Variants in ANKS1B observed in about 807,000 individuals in gnomAD.
The protein encoded by ANKS1B is ankyrin repeat and sterile alpha motif domain-containing protein 1B.
ANKS1B carries 36 observed loss-of-function variants against 148.3 expected under a neutral mutation model. The ratio of observed to expected loss-of-function variants is 0.24; its 90% CI spans 0.19 to 0.32. ANKS1B has a LOEUF of 0.32. ANKS1B is among the 10% of genes least tolerant of loss of function. The probability of loss-of-function intolerance (pLI) is 1.00; values close to 1 mark genes in which losing one functional copy is unlikely to be tolerated. For missense variants in ANKS1B, 1,157 were observed against 1,542.6 expected, an observed-to-expected ratio of 0.75 and a Z score of 4.19; for synonymous variants, 542 against 560.8, an observed-to-expected ratio of 0.97 and a Z score of 0.47.
chr12:99,528,593 A>C (rs2096954896), intron 9 of ANKS1B, among the ~76,000 whole-genome samples: 1 of 152,204 alleles, frequency 6.6e-6, no homozygotes, highest in Admixed American at 6.5e-5. Context: ...CCCATTAAAA[A>C]TGAGGAACAT....
chr12:99,546,215 C>T (rs946804467), intron 9 of ANKS1B, among the ~76,000 whole-genome samples: 1 of 152,020 alleles, frequency 6.6e-6, no homozygotes, highest in Admixed American at 6.6e-5. Context: ...GAGAAATAGA[C>T]AATAGAAATA....
At chr12:99,277,006 C>T (rs997989084) in intron 12 of ANKS1B, among the ~76,000 whole-genome samples, 1 of 152,242 alleles carries the variant, frequency 6.6e-6, no homozygotes, top group Non-Finnish European at 1.5e-5. Context: ...CCCTTTCTTG[C>T]CGAATATCAC....
At chr12:98,936,478 T>G (rs2099818781) in intron 17 of ANKS1B, among the ~76,000 whole-genome samples, 1 of 152,018 alleles carries the variant, frequency 6.6e-6, no homozygotes, top group Admixed American at 6.6e-5. Flanking sequence ...AATACAAAAA[T>G]TAGCCGGGCG....
intron 10 of ANKS1B, among the ~76,000 whole-genome samples, chr12:99,488,032 A>AT (rs1158104242): frequency 1.3e-5 from 2 of 152,020 alleles, no homozygotes; most frequent in African/African-American, 2.4e-5. Flanking sequence ...TACGGCTATG[A>AT]TATCTTCTTG....
At chr12:99,167,318 A>G (rs1167409294) in intron 14 of ANKS1B, among the ~76,000 whole-genome samples, 1 of 152,134 alleles carries the variant, frequency 6.6e-6, no homozygotes, top group Non-Finnish European at 1.5e-5. Flanking sequence ...TGATTAGAAG[A>G]AAACATTTGT....
At chr12:99,123,018 A>G (rs1019483854) in intron 15 of ANKS1B, among the ~76,000 whole-genome samples, 2 of 147,792 alleles carry the variant, frequency 1.4e-5, no homozygotes, top group Non-Finnish European at 3.0e-5. Context: ...ATATATAAAC[A>G]TGTATATAAA....
intron 2 of ANKS1B, among the ~76,000 whole-genome samples, chr12:99,822,384 G>C (rs1227530209): frequency 6.6e-6 from 1 of 151,930 alleles, no homozygotes; most frequent in Non-Finnish European, 1.5e-5. Flanking sequence ...CTGAGGTTTG[G>C]GATACAATTT....
intron 8 of ANKS1B, among the ~76,000 whole-genome samples, chr12:99,745,594 AT>A: frequency 6.6e-6 from 1 of 152,276 alleles, no homozygotes; most frequent in South Asian, 2.1e-4. Flanking sequence ...CACTAAAATC[AT>A]TTTTAATGGT....
chr12:98,826,191 A>C (rs1442705925), intron 19 of ANKS1B, among the ~76,000 whole-genome samples: 2 of 152,222 alleles, frequency 1.3e-5, no homozygotes, highest in Admixed American at 6.5e-5. Flanking sequence ...TGTTTCTTGC[A>C]TATTCATTTA....
chr12:99,457,757 T>G (rs940175675), intron 10 of ANKS1B, among the ~76,000 whole-genome samples: 4 of 152,126 alleles, frequency 2.6e-5, no homozygotes, highest in Non-Finnish European at 5.9e-5. Flanking sequence ...CACCTAACAC[T>G]GGAAGTCCCA....
At position 99,244,408 on chromosome 12, in the gene ANKS1B, T is replaced by G. The variant is rs893277981; in HGVS notation, c.2353A>C (p.Lys785Gln). 6.2e-7 allele frequency: 1 copy of G among 1,601,512 alleles called. No individual in the cohort carries two copies. The highest frequency in any genetic ancestry group is 8.5e-7 in the Non-Finnish European group (1 of 1,174,444). ...CCAACATCTATGGAACTCATTATTTTGTCAATCTGTAAGAAACAAAAACCA... is the reference window on the plus strand; with the variant it reads ...CCAACATCTATGGAACTCATTATTTGGTCAATCTGTAAGAAACAAAAACCA... ...SFTSEWEEID[K>Q]IMSSIDVGIN... Residue 785 changes from lysine to glutamine, a missense_variant, in exon 14 of 27, where the codon AAA becomes CAA. By Grantham distance (53) the Lys-to-Gln change is moderately conservative. Around this residue, in one of 6 missense-constraint regions of ANKS1B, gnomAD observed 661 missense variants for 642.1 expected, o/e 1.03. Transcript: ENST00000683438.
At chr12:99,940,353 G>C (rs1449183041) in intron 1 of ANKS1B, among the ~76,000 whole-genome samples, 2 of 151,956 alleles carry the variant, frequency 1.3e-5, no homozygotes, top group Non-Finnish European at 2.9e-5. Context: ...ATACAATAAG[G>C]CACTAAATGT....
chr12:99,234,290 A>G (rs1265248199), intron 14 of ANKS1B, among the ~76,000 whole-genome samples: 2 of 152,158 alleles, frequency 1.3e-5, no homozygotes, highest in Non-Finnish European at 2.9e-5. Context: ...AAAATAACTT[A>G]GACCACTTAA....
At chr12:99,420,101 C>T (rs1319924477) in intron 11 of ANKS1B, among the ~76,000 whole-genome samples, 3 of 152,140 alleles carry the variant, frequency 2.0e-5, no homozygotes, top group Non-Finnish European at 1.5e-5. Flanking sequence ...GACAGGGAAA[C>T]TGAGTGTCAA....
intron 1 of ANKS1B, among the ~76,000 whole-genome samples, chr12:99,852,645 G>C (rs1400615639): frequency 6.6e-6 from 1 of 152,200 alleles, no homozygotes; most frequent in East Asian, 1.9e-4. Flanking sequence ...GCAGCATGTG[G>C]AGACTCACAC....
intron 11 of ANKS1B, among the ~76,000 whole-genome samples, chr12:99,412,338 T>C (rs1005937567): frequency 6.6e-6 from 1 of 152,190 alleles, no homozygotes; most frequent in Non-Finnish European, 1.5e-5. Flanking sequence ...GTCCTTCACC[T>C]TCCTTAGATA....
intron 9 of ANKS1B, among the ~76,000 whole-genome samples, chr12:99,508,773 T>C (rs940680736): frequency 2.0e-5 from 3 of 151,942 alleles, no homozygotes. Flanking sequence ...ATATGACTTA[T>C]GTTTACATAT....
intron 1 of ANKS1B, among the ~76,000 whole-genome samples, chr12:99,847,014 CAACACCCTAAATT>C (rs1283588237): frequency 6.6e-6 from 1 of 151,938 alleles, no homozygotes; most frequent in African/African-American, 2.4e-5. Flanking sequence ...CCTCAGAAAG[CAACACCCTAAATT>C]ATGATGTTTT....
chr12:98,951,794 A>G (rs1321862333), intron 17 of ANKS1B, among the ~76,000 whole-genome samples: 2 of 152,042 alleles, frequency 1.3e-5, no homozygotes, highest in Non-Finnish European at 2.9e-5. Flanking sequence ...GTGAACATCA[A>G]TTGTACTTGG....
Sources: allele counts gnomAD v4.1 joint callset (sites outside exome capture counted in the v4.1 genomes callset), GRCh38; gene constraint gnomAD v4.1.1; regional missense constraint gnomAD v4.1.1; transcripts MANE v1.5; gene names NCBI Gene and HGNC (gene_info 2026-07-23, HGNC 2026-07-21).